The following TRIM62 variants were observed in gnomAD, a reference collection of about 807,000 sequenced individuals.
The protein encoded by TRIM62 is tripartite motif containing 62.
TRIM62 carries 39 observed loss-of-function variants against 44.2 expected under a neutral mutation model. The observed-to-expected ratio is 0.88, with a 90% confidence interval of 0.68 to 1.15. The LOEUF (loss-of-function observed/expected upper bound fraction) is 1.15, where lower values mean the gene tolerates loss of function less well. TRIM62 is among the 50% of genes most tolerant of loss of function. TRIM62 has a pLI of 0.00. For missense variants in TRIM62, 544 were observed against 665.5 expected (o/e 0.82, Z 2.01); for synonymous variants, 278 against 292.3 (o/e 0.95, Z 0.50).
Position 33,147,502 on chromosome 1 carries a change from G to A in TRIM62, c.1103C>T (p.Ala368Val). 1 of 1,613,264 alleles carries A rather than the reference G, an allele frequency of 6.2e-7. No individual in the cohort carries two copies. Among genetic ancestry groups the A allele is most frequent in the Non-Finnish European group, 8.5e-7 (1 of 1,179,866 alleles). ...GCCCTTGCGGCTTGCGGCTTCGTGT[G>A]CCAGCCCGATCACCCACTGGGTCTT... ...AEKTQWVIGL[A>V]HEAASRKGSI... The change falls in exon 5 of 5, where the codon GCA becomes GTA. Residue 368 changes from alanine (A) to valine (V), a missense_variant. Transcript: ENST00000291416. This position sits in a 1 kb window ranked among gnomAD's most constrained non-coding sequence, Gnocchi z 8.1.
In TRIM62 at chr1:33,165,104, A is replaced by G. The variant is rs991550826; in HGVS notation, c.504+367T>C. Reference sequence around the variant, plus strand: ...ACAACACCAGGGTTGGGCGGTTTTAATAAGGGGAGAGGAGAAAGAGACTGA... The same window carrying G: ...ACAACACCAGGGTTGGGCGGTTTTAGTAAGGGGAGAGGAGAAAGAGACTGA... On this transcript the variant is annotated intron_variant, in intron 2 of 4. Transcript: ENST00000291416. The surrounding 1 kb of genome is among the most constrained non-coding windows in gnomAD (Gnocchi z 4.0). 2 of 174,548 alleles carry G rather than the reference A, an allele frequency of 1.1e-5. No homozygotes were observed. Among genetic ancestry groups the G allele is most frequent in the African/African-American group, 4.7e-5 (2 of 42,178 alleles). The allele number at this position is 174,548 out of a possible 1,614,324, so 10.8% of individuals were successfully genotyped here.
At position 33,167,623 on chromosome 1, in the gene TRIM62, G is replaced by A. The variant is rs1478382809; in HGVS notation, c.409-2057C>T. On this transcript the variant is annotated intron_variant, in intron 1 of 4. Transcript: ENST00000291416. The surrounding 1 kb of genome is among the most constrained non-coding windows in gnomAD (Gnocchi z 4.2). Reference sequence around the variant, plus strand: ...ACTCAATGACGCTTGCTGCGTGAATGAAGTTCCTGGAAATGGCCTCTGAGT... The same window carrying A: ...ACTCAATGACGCTTGCTGCGTGAATAAAGTTCCTGGAAATGGCCTCTGAGT... Among the ~76,000 whole-genome samples, 1 of 152,226 alleles carries A rather than the reference G, an allele frequency of 6.6e-6. No homozygotes were observed. Among genetic ancestry groups the A allele is most frequent in the African/African-American group, 2.4e-5 (1 of 41,456 alleles).
intron 1 of TRIM62, among the ~76,000 whole-genome samples, chr1:33,168,213 A>G (rs567356031): frequency 6.6e-6 from 1 of 152,250 alleles, no homozygotes; most frequent in South Asian, 2.1e-4. Context: ...TGCTGATGCA[A>G]TTGTTGGAAC....
rs1001495906 is a variant in TRIM62 at position 33,161,244 on chromosome 1, G to A, written c.505-1300C>T. On this transcript the variant is annotated intron_variant, in intron 2 of 4. Transcript: ENST00000291416. The surrounding 1 kb of genome is among the most constrained non-coding windows in gnomAD (Gnocchi z 4.3). ...TTCATTGAGAGACGGGTTCTGAGCC[G>A]GGGCCTGAGGGATGGGCAGGATGTC... is the stretch of plus-strand genomic sequence containing the variant. Among the ~76,000 whole-genome samples, 2 of 152,208 alleles carry A rather than the reference G, an allele frequency of 1.3e-5. No homozygotes were observed. The highest frequency in any genetic ancestry group is 2.9e-5 in the Non-Finnish European group (2 of 68,032).
chr1:33,150,760 A>C (rs1645085103), intron 4 of TRIM62, among the ~76,000 whole-genome samples: 1 of 151,786 alleles, frequency 6.6e-6, no homozygotes, highest in Non-Finnish European at 1.5e-5. Context: ...CTGTAGGAGG[A>C]GTGTGTGGTA....
In TRIM62 at chr1:33,147,786, G is replaced by A. The variant is rs1464111107; in HGVS notation, c.878-59C>T. The A allele has an allele frequency of 1.9e-6, 3 of 1,553,676 alleles. No homozygotes were observed. In the East Asian group the frequency reaches 6.8e-5, roughly 35 times the overall value. The stretch of plus-strand genomic sequence containing the variant: ...GGGGAGAAGGCTGTGGACCCACCAT[G>A]CAGTGCCTTCCTGAGGGCAGAGTTC... On this transcript the variant is annotated intron_variant, in intron 4 of 4. Coordinates refer to ENST00000291416, the MANE Select transcript of TRIM62 (RefSeq NM_018207.3). The surrounding 1 kb of genome is among the most constrained non-coding windows in gnomAD (Gnocchi z 8.1).
intron 1 of TRIM62, among the ~76,000 whole-genome samples, chr1:33,168,994 C>T (rs1261311389): frequency 1.6e-5 from 2 of 126,102 alleles, no homozygotes; most frequent in African/African-American, 3.1e-5. Context: ...ATAAGGACAG[C>T]GGGCTTGCTC....
At chr1:33,179,331 A>G (rs1645443682) in intron 1 of TRIM62, among the ~76,000 whole-genome samples, 1 of 152,164 alleles carries the variant, frequency 6.6e-6, no homozygotes, top group South Asian at 2.1e-4. Flanking sequence ...TTTGAGATAA[A>G]AGGGACAGGG....
chr1:33,155,498 T>C (rs927888506), intron 4 of TRIM62, among the ~76,000 whole-genome samples: 1 of 152,088 alleles, frequency 6.6e-6, no homozygotes, highest in East Asian at 1.9e-4. Context: ...CCCTGAGCCT[T>C]GGTCTCCCCA....
intron 1 of TRIM62, among the ~76,000 whole-genome samples, chr1:33,180,795 T>TCC (rs1189373275): frequency 1.3e-5 from 2 of 151,256 alleles, no homozygotes; most frequent in East Asian, 3.9e-4. Flanking sequence ...CTGTCTCAGA[T>TCC]CCCTCAGGGT....
At chr1:33,166,546 G>C (rs1035348541) in intron 1 of TRIM62, among the ~76,000 whole-genome samples, 8 of 152,034 alleles carry the variant, frequency 5.3e-5, no homozygotes, top group African/African-American at 1.9e-4. Context: ...TAACCCTAAG[G>C]GAGGCACAAT....
rs2124731448 is a variant in TRIM62, at chr1:33,160,090, CATG to C, written c.505-149_505-147del. 2.8e-6 allele frequency: 3 copies of C among 1,053,192 alleles called. No homozygotes were observed. In the South Asian group the frequency reaches 4.7e-5, roughly 17 times the overall value. 65.2% of individuals were successfully genotyped at this position (1,053,192 alleles called of 1,614,324 possible). On this transcript the variant is annotated intron_variant, in intron 2 of 4. Transcript: ENST00000291416. ...GTGGGGGAAATGTCACATGCAAAAG[CATG>C]GTGGTAGGAAAGGATGGGCATGTTC...
Position 33,165,492 on chromosome 1 carries a change from C to T in TRIM62, c.483G>A (p.Lys161=), listed in dbSNP as rs1195273309. Residue 161 remains lysine, a synonymous_variant, in exon 2 of 5, where the codon AAG becomes AAA. Transcript: ENST00000291416. The surrounding 1 kb of genome is among the most constrained non-coding windows in gnomAD (Gnocchi z 4.0). ...REHTEALQLL[K]RQLAETKSST... is the part of the protein sequence containing the mutation. ...TCACCTTGGTCTCCGCCAGTTGTCG[C>T]TTGAGCAGCTGCAGCGCTTCGGTGT... 3 of 1,608,140 alleles carry T rather than the reference C, an allele frequency of 1.9e-6. No homozygotes were observed. The highest frequency in any genetic ancestry group is 2.5e-6 in the Non-Finnish European group (3 of 1,177,328).
rs1553172193 is a variant in TRIM62 at position 33,177,039 on chromosome 1, GCACACACACA to G, written c.408+3976_408+3985del. On this transcript the variant is annotated intron_variant, in intron 1 of 4. Transcript: ENST00000291416. This position sits in a 1 kb window ranked among gnomAD's most constrained non-coding sequence, Gnocchi z 4.1. ...GGAAGACACCAACACACATACACAT[GCACACACACA>G]CGCACACACACACACATGCACACAC... 1.7e-5 allele frequency among the ~76,000 whole-genome samples: 1 copy of G among 58,784 alleles called. No homozygotes were observed. The highest frequency in any genetic ancestry group is 1.6e-4 in the Admixed American group (1 of 6,142). The allele number at this position is 58,784 out of a possible 152,430, so 38.6% of individuals were successfully genotyped here.
chr1:33,166,489 C>A (rs1645328891), intron 1 of TRIM62, among the ~76,000 whole-genome samples: 1 of 152,128 alleles, frequency 6.6e-6, no homozygotes, highest in African/African-American at 2.4e-5. Context: ...GTGGGCTGGG[C>A]ACAGTTCTTA....
intron 1 of TRIM62, among the ~76,000 whole-genome samples, chr1:33,179,290 A>G (rs1427057361): frequency 1.3e-5 from 2 of 152,178 alleles, no homozygotes; most frequent in African/African-American, 4.8e-5. Flanking sequence ...TCATCCTCAG[A>G]CAGCTAGACT....
chr1:33,159,638 G>T lies in TRIM62; in HGVS notation c.761+50C>A. 7 of 1,571,998 alleles carry T rather than the reference G, an allele frequency of 4.5e-6. No homozygotes were observed. The highest frequency in any genetic ancestry group is 6.0e-6 in the Non-Finnish European group (7 of 1,160,542). ...CCTCCACTCCCACTGCCCAGCATGG[G>T]TCGAGGAGGGGATGGTCAGCCGGGG... On this transcript the variant is annotated intron_variant, in intron 3 of 4. Coordinates refer to ENST00000291416, the MANE Select transcript of TRIM62 (RefSeq NM_018207.3). The surrounding 1 kb of genome is among the most constrained non-coding windows in gnomAD (Gnocchi z 4.2).
intron 1 of TRIM62, among the ~76,000 whole-genome samples, chr1:33,179,764 G>A (rs979236679): frequency 5.3e-5 from 8 of 152,142 alleles, no homozygotes; most frequent in African/African-American, 1.9e-4. Context: ...ACATGGGGCT[G>A]CTGGATTTAA....
In TRIM62 at chr1:33,147,498, G is replaced by A. The variant is rs751643007; in HGVS notation, c.1107C>T (p.His369=). The A allele has an allele frequency of 3.9e-5, 63 of 1,613,008 alleles. No individual in the cohort carries two copies. Among genetic ancestry groups the A allele is most frequent in the Non-Finnish European group, 5.0e-5 (59 of 1,179,846 alleles). ...TGCTGCCCTTGCGGCTTGCGGCTTC[G>A]TGTGCCAGCCCGATCACCCACTGGG... ...EKTQWVIGLA[H]EAASRKGSIQ... is the part of the protein sequence containing the mutation. Residue 369 remains histidine (H), a synonymous_variant, in exon 5 of 5, where the codon CAC becomes CAT. Transcript: ENST00000291416. The surrounding 1 kb of genome is among the most constrained non-coding windows in gnomAD (Gnocchi z 8.1).
Sources: allele counts gnomAD v4.1 joint callset (sites outside exome capture counted in the v4.1 genomes callset), GRCh38; gene constraint gnomAD v4.1.1; non-coding constraint Gnocchi (gnomAD v3.1); transcripts MANE v1.5; gene names NCBI Gene and HGNC (gene_info 2026-07-23, HGNC 2026-07-21).